The following FARSB variants were observed in gnomAD, a reference collection of about 807,000 sequenced individuals.
The protein encoded by FARSB is phenylalanine--tRNA ligase beta subunit.
Under a neutral mutation model 69.6 loss-of-function variants are expected in FARSB, and 40 were observed. The ratio of observed to expected loss-of-function variants is 0.57; its 90% CI spans 0.45 to 0.75. FARSB has a LOEUF of 0.75. Ranked by LOEUF, FARSB falls within the 30% of genes least tolerant of loss-of-function variation. The pLI is 0.00. For synonymous variants in FARSB, 235 were observed against 247.2 expected, an observed-to-expected ratio of 0.95 and a Z score of 0.46; for missense variants, 632 against 722.9, an observed-to-expected ratio of 0.87 and a Z score of 1.44.
intron 16 of FARSB, among the ~76,000 whole-genome samples, chr2:222,575,209 G>C (rs1409873540): frequency 6.6e-6 from 1 of 152,194 alleles, no homozygotes; most frequent in Non-Finnish European, 1.5e-5. Flanking sequence ...TAGTGCTCTA[G>C]CTAGGACTAA....
At chr2:222,581,735 T>C (rs1318028537) in intron 16 of FARSB, among the ~76,000 whole-genome samples, 3 of 152,276 alleles carry the variant, frequency 2.0e-5, no homozygotes, top group South Asian at 4.1e-4. Flanking sequence ...AGAAGGTTCC[T>C]AAAACTAGAG....
At position 222,571,640 on chromosome 2, in the gene FARSB, G is replaced by A. The variant is rs1358243316; in HGVS notation, c.*231C>T. ...CTAGTGCATTTCTCCAGCACTCCACGGGGCTTTTACCCAACAATGCAGCTT... is the reference window on the plus strand; with the variant it reads ...CTAGTGCATTTCTCCAGCACTCCACAGGGCTTTTACCCAACAATGCAGCTT... On this transcript the variant is annotated 3_prime_UTR_variant, in exon 17 of 17. Transcript: ENST00000281828. The A allele has an allele frequency of 5.7e-5, 24 of 420,692 alleles. No homozygotes were observed. The South Asian group carries it at 8.9e-4, about 16-fold the overall frequency. The allele number at this position is 420,692 out of a possible 1,614,324, so 26.1% of individuals were successfully genotyped here. A position where few individuals can be genotyped will look rare whatever the true frequency, so the allele number is the denominator to read the frequency against.
rs1689685057 is a variant in FARSB, at chr2:222,569,858, T to C, written c.*2013A>G. ...TGGATATACTGCAATTTGTAACTAC[T>C]ATAAGTAACACTGTGAACACTTGCA... is the stretch of plus-strand genomic sequence containing the variant. On this transcript the variant is annotated 3_prime_UTR_variant, in exon 17 of 17. Transcript: ENST00000281828. 1 of 152,238 alleles carries C rather than the reference T, an allele frequency of 6.6e-6. No homozygotes were observed. The highest frequency in any genetic ancestry group is 1.5e-5 in the Non-Finnish European group (1 of 68,046). 9.4% of individuals were successfully genotyped at this position (152,238 alleles called of 1,614,324 possible). A position where few individuals can be genotyped will look rare whatever the true frequency, so the allele number is the denominator to read the frequency against.
In FARSB at chr2:222,640,899, G is replaced by A; in HGVS notation, c.302C>T (p.Pro101Leu). The change falls in exon 4 of 17, where the codon CCT becomes CTT. Residue 101 changes from proline to leucine, a missense_variant. By Grantham distance (98) the Pro-to-Leu change is moderately conservative. Coordinates refer to ENST00000281828, the MANE Select transcript of FARSB (RefSeq NM_005687.5). ...IKAPVYKRVM[P>L]DGKIQKLIIT... ...AATCAATTTCTGGATTTTTCCATCA[G>A]GCATTACCCGTTTATACACTGGAGC... The A allele has an allele frequency of 1.3e-6, 2 of 1,551,718 alleles. No individual in the cohort carries two copies. The highest frequency in any genetic ancestry group is 1.8e-6 in the Non-Finnish European group (2 of 1,133,662).
chr2:222,604,928 C>A (rs1025376353), intron 15 of FARSB, among the ~76,000 whole-genome samples: 1 of 151,570 alleles, frequency 6.6e-6, no homozygotes, highest in Admixed American at 6.6e-5. Flanking sequence ...TAAGCACACA[C>A]AAATAGCTAT....
At chr2:222,604,378 T>C (rs1424947413) in intron 15 of FARSB, among the ~76,000 whole-genome samples, 4 of 152,240 alleles carry the variant, frequency 2.6e-5, no homozygotes, top group Admixed American at 6.5e-5. Context: ...AAAGTATTGT[T>C]ACTTATGGAA....
At position 222,608,990 on chromosome 2, in the gene FARSB, A is replaced by T. The variant is rs187557701; in HGVS notation, c.1462+4821T>A. ...TTCTCCACAGATATATGTCAAATTGACAATTGGAGGATTGTATCTTACTAA... is the reference window on the plus strand; with the variant it reads ...TTCTCCACAGATATATGTCAAATTGTCAATTGGAGGATTGTATCTTACTAA... On this transcript the variant is annotated intron_variant, in intron 15 of 16. Transcript: ENST00000281828. 3.9e-4 allele frequency among the ~76,000 whole-genome samples: 59 copies of T among 152,366 alleles called. 1 individual carries two copies. Among genetic ancestry groups the T allele is most frequent in the African/African-American group, 1.4e-3 (59 of 41,592 alleles).
chr2:222,610,437 C>T (rs980462956), intron 15 of FARSB, among the ~76,000 whole-genome samples: 1 of 151,878 alleles, frequency 6.6e-6, no homozygotes, highest in Non-Finnish European at 1.5e-5. Context: ...AAACAACATT[C>T]CTGTTTCCAT....
At position 222,618,798 on chromosome 2, in the gene FARSB, C is replaced by T. The variant is rs13389776; in HGVS notation, c.1344+847G>A. Among the ~76,000 whole-genome samples, 228 of 152,178 alleles carry T rather than the reference C, an allele frequency of 1.5e-3. 2 individuals are homozygous for T. Among genetic ancestry groups the T allele is most frequent in the Non-Finnish European group, 2.3e-3 (159 of 68,012 alleles). ...GGGCAATTTCAAAGTGAATGACTTA[C>T]GAAGGAACTGGGAACAGGTTTTGAT... On this transcript the variant is annotated intron_variant, in intron 14 of 16. Coordinates refer to ENST00000281828, the MANE Select transcript of FARSB (RefSeq NM_005687.5).
chr2:222,601,260 CTCA>C (rs1243862215), intron 15 of FARSB, among the ~76,000 whole-genome samples: 1 of 152,082 alleles, frequency 6.6e-6, no homozygotes, highest in African/African-American at 2.4e-5. Context: ...AAGGGTAGCT[CTCA>C]TATGTTTTTT....
At chr2:222,594,201 C>G (rs956147118) in intron 16 of FARSB, among the ~76,000 whole-genome samples, 1 of 151,390 alleles carries the variant, frequency 6.6e-6, no homozygotes, top group African/African-American at 2.4e-5. Flanking sequence ...CATGATCATG[C>G]CACTACACTC....
At chr2:222,624,616 T>C in intron 11 of FARSB, 98 bp downstream of exon 11, 1 of 933,068 alleles carries the variant, frequency 1.1e-6, no homozygotes, top group East Asian at 2.5e-5. Context: ...TCTTAACTGA[T>C]GTTTTATCAT....
intron 16 of FARSB, among the ~76,000 whole-genome samples, chr2:222,584,721 G>A (rs1054261680): frequency 2.0e-5 from 3 of 152,182 alleles, no homozygotes; most frequent in African/African-American, 4.8e-5. Flanking sequence ...AGGGTCCCAC[G>A]CCCACGGAGC....
chr2:222,651,669 G>T (rs1039747042), intron 1 of FARSB, among the ~76,000 whole-genome samples: 3 of 152,188 alleles, frequency 2.0e-5, no homozygotes, highest in Non-Finnish European at 4.4e-5. Flanking sequence ...TGTGTAGGTG[G>T]TGTGGCTTTT....
rs901349915 is a variant in FARSB, at chr2:222,584,732, C to T, written c.1619-12710G>A. Among the ~76,000 whole-genome samples, 4 of 152,220 alleles carry T rather than the reference C, an allele frequency of 2.6e-5. No homozygotes were observed. The East Asian group carries it at 7.7e-4, about 29-fold the overall frequency. On this transcript the variant is annotated intron_variant, in intron 16 of 16. Coordinates refer to ENST00000281828, the MANE Select transcript of FARSB (RefSeq NM_005687.5). ...TCAGAGGGTCCCACGCCCACGGAGC[C>T]TCGCTCACTGCTAGCACAGCAGTCC...
chr2:222,646,867 C>G (rs1340062589), intron 2 of FARSB, among the ~76,000 whole-genome samples: 1 of 152,196 alleles, frequency 6.6e-6, no homozygotes, highest in East Asian at 1.9e-4. Context: ...GTTCCACTCT[C>G]TCCTTCCACG....
intron 16 of FARSB, among the ~76,000 whole-genome samples, chr2:222,581,969 G>A (rs751373934): frequency 1.3e-5 from 2 of 152,284 alleles, no homozygotes; most frequent in East Asian, 1.9e-4. Flanking sequence ...TTGCTGCAGC[G>A]TTTGTACAAC....
chr2:222,587,023 G>C (rs1464584681), intron 16 of FARSB, among the ~76,000 whole-genome samples: 1 of 152,200 alleles, frequency 6.6e-6, no homozygotes, highest in Admixed American at 6.5e-5. Flanking sequence ...GACATCTGCA[G>C]AACTCTCCAT....
chr2:222,590,707 T>A (rs1350868589), intron 16 of FARSB, among the ~76,000 whole-genome samples: 1 of 152,170 alleles, frequency 6.6e-6, no homozygotes, highest in Non-Finnish European at 1.5e-5. Context: ...TCTTGTTGTA[T>A]TTACAACTGG....
Sources: allele counts gnomAD v4.1 joint callset (sites outside exome capture counted in the v4.1 genomes callset), GRCh38; gene constraint gnomAD v4.1.1; transcripts MANE v1.5; gene names NCBI Gene and HGNC (gene_info 2026-07-23, HGNC 2026-07-21).